MTSS1: variants seen among roughly 807,000 people sequenced by gnomAD.
MTSS1 encodes the protein protein MTSS 1.
Under a neutral mutation model 79.0 loss-of-function variants are expected in MTSS1, and 18 were observed. That is an observed-to-expected ratio of 0.23 (90% CI 0.16 to 0.34). The LOEUF is 0.34. Ranked by LOEUF, MTSS1 falls within the 10% of genes least tolerant of loss-of-function variation. The pLI, the probability that MTSS1 is intolerant of heterozygous loss-of-function variation, is 1.00. For synonymous variants in MTSS1, 341 were observed against 368.6 expected, an observed-to-expected ratio of 0.93 and a Z score of 0.86; for missense variants, 815 against 986.2, an observed-to-expected ratio of 0.83 and a Z score of 2.33.
intron 3 of MTSS1, among the ~76,000 whole-genome samples, chr8:124,666,397 G>A (rs1262458236): frequency 6.6e-6 from 1 of 152,192 alleles, no homozygotes; most frequent in Non-Finnish European, 1.5e-5. Flanking sequence ...GCACGATAGA[G>A]GGAAAAATTA....
chr8:124,724,655 T>G (rs962727911), intron 1 of MTSS1, among the ~76,000 whole-genome samples: 10 of 152,168 alleles, frequency 6.6e-5, no homozygotes, highest in African/African-American at 2.4e-4. Flanking sequence ...GTCCTCAATT[T>G]TGGCCAGCAA....
chr8:124,570,577 A>ACAG (rs1472103411), intron 6 of MTSS1, among the ~76,000 whole-genome samples: 6 of 152,340 alleles, frequency 3.9e-5, no homozygotes, highest in Non-Finnish European at 7.3e-5. Context: ...GGGAAAAACC[A>ACAG]CAGTATATGT....
At chr8:124,653,497 G>A (rs564355757) in intron 3 of MTSS1, among the ~76,000 whole-genome samples, 2 of 152,334 alleles carry the variant, frequency 1.3e-5, no homozygotes, top group South Asian at 2.1e-4. Context: ...GCCAAGGCGG[G>A]TGGATCACCT....
chr8:124,585,148 G>T lies in MTSS1; in HGVS notation c.399C>A (p.Ala133=), dbSNP rs745401574. 5.3e-5 allele frequency: 85 copies of T among 1,612,900 alleles called. No homozygotes were observed. Among genetic ancestry groups the T allele is most frequent in the Non-Finnish European group, 6.8e-5 (80 of 1,179,656 alleles). ...AGGACTTCTTTTTTATCTCTTGGCG[G>T]GCTTTCTTATATTCTAAGAGAAAGC... is the stretch of plus-strand genomic sequence containing the variant. ...DKDHAKEYKK[A]RQEIKKKSSD... The change falls in exon 6 of 14, where the codon GCC becomes GCA. Residue 133 remains alanine (A), a synonymous_variant. Transcript: ENST00000518547.
chr8:124,668,662 G>C (rs901519296), intron 3 of MTSS1, among the ~76,000 whole-genome samples: 1 of 152,188 alleles, frequency 6.6e-6, no homozygotes, highest in African/African-American at 2.4e-5. Flanking sequence ...GACCAGAAAA[G>C]AAAGATGAAA....
At position 124,662,534 on chromosome 8, in the gene MTSS1, C is replaced by G. The variant is rs552719773; in HGVS notation, c.208+36992G>C. 3.3e-5 allele frequency among the ~76,000 whole-genome samples: 5 copies of G among 152,262 alleles called. No homozygotes were observed. In the South Asian group the frequency reaches 1.0e-3, roughly 32 times the overall value. ...CACAATTACCTGGAGAGCCTTTCCC[C>G]AATACTCAGGATCCGGGCTCTGCCC... On this transcript the variant is annotated intron_variant, in intron 3 of 13. Transcript: ENST00000518547.
intron 6 of MTSS1, among the ~76,000 whole-genome samples, chr8:124,584,327 G>A (rs1300767304): frequency 6.6e-6 from 1 of 152,214 alleles, no homozygotes; most frequent in Non-Finnish European, 1.5e-5. Context: ...AGCAGATTCA[G>A]AAACTTGGTG....
intron 3 of MTSS1, among the ~76,000 whole-genome samples, chr8:124,594,850 C>T (rs1167200439): frequency 6.6e-6 from 1 of 152,190 alleles, no homozygotes; most frequent in East Asian, 1.9e-4. Flanking sequence ...CTTCCTAACC[C>T]TTGCAAGAAC....
intron 3 of MTSS1, among the ~76,000 whole-genome samples, chr8:124,643,973 G>A (rs1818551973): frequency 6.6e-6 from 1 of 151,830 alleles, no homozygotes; most frequent in Admixed American, 6.6e-5. Flanking sequence ...GTGGGTATGT[G>A]TCTGTGATGG....
intron 6 of MTSS1, among the ~76,000 whole-genome samples, chr8:124,574,325 T>A (rs531982589): frequency 1.2e-3 from 180 of 146,788 alleles, no homozygotes; most frequent in Admixed American, 2.0e-3. Context: ...ACTTCAACAC[T>A]TGCATTTTAT....
intron 3 of MTSS1, among the ~76,000 whole-genome samples, chr8:124,603,170 C>T (rs1194383207): frequency 6.6e-6 from 1 of 152,194 alleles, no homozygotes; most frequent in Non-Finnish European, 1.5e-5. Flanking sequence ...GGATTACAGG[C>T]GTGCGCCACC....
chr8:124,685,432 T>G (rs2116081), intron 3 of MTSS1, among the ~76,000 whole-genome samples: 1 of 152,096 alleles, frequency 6.6e-6, no homozygotes, highest in South Asian at 2.1e-4. Flanking sequence ...GAACAGGTAA[T>G]GTACAGTACA....
intron 3 of MTSS1, among the ~76,000 whole-genome samples, chr8:124,650,747 A>T (rs1320310966): frequency 6.6e-6 from 1 of 152,174 alleles, no homozygotes; most frequent in African/African-American, 2.4e-5. Context: ...GAATGATGGT[A>T]TGGCTTGGCA....
At chr8:124,604,678 C>G (rs1263390735) in intron 3 of MTSS1, among the ~76,000 whole-genome samples, 1 of 152,050 alleles carries the variant, frequency 6.6e-6, no homozygotes, top group Non-Finnish European at 1.5e-5. Context: ...GTTTACGGGA[C>G]AGCTAATACT....
chr8:124,726,461 G>C (rs1206805271), intron 1 of MTSS1, among the ~76,000 whole-genome samples: 4 of 152,168 alleles, frequency 2.6e-5, no homozygotes, highest in Non-Finnish European at 5.9e-5. Context: ...AGCATTCCTG[G>C]GCAAGCAGAG....
chr8:124,675,724 A>C (rs934091011), intron 3 of MTSS1, among the ~76,000 whole-genome samples: 3 of 152,212 alleles, frequency 2.0e-5, no homozygotes, highest in African/African-American at 7.2e-5. Flanking sequence ...ACCTATCCTG[A>C]GCATTCCCCA....
At chr8:124,675,018 G>C (rs985820556) in intron 3 of MTSS1, among the ~76,000 whole-genome samples, 1 of 152,176 alleles carries the variant, frequency 6.6e-6, no homozygotes, top group South Asian at 2.1e-4. Flanking sequence ...CACCATGTCC[G>C]GCCCTCTTAA....
chr8:124,663,944 G>A (rs1048770444), intron 3 of MTSS1, among the ~76,000 whole-genome samples: 10 of 152,180 alleles, frequency 6.6e-5, no homozygotes, highest in Admixed American at 2.0e-4. Context: ...ACCTCAGTTC[G>A]AGTCTAAAAA....
intron 3 of MTSS1, among the ~76,000 whole-genome samples, chr8:124,665,164 T>C (rs544465840): frequency 1.1e-4 from 17 of 152,356 alleles, no homozygotes; most frequent in African/African-American, 3.8e-4. Flanking sequence ...TTAAACTATT[T>C]GAACATGTCT....
Sources: allele counts gnomAD v4.1 joint callset (sites outside exome capture counted in the v4.1 genomes callset), GRCh38; gene constraint gnomAD v4.1.1; transcripts MANE v1.5; gene names NCBI Gene and HGNC (gene_info 2026-07-23, HGNC 2026-07-21).